Variants in RBFOX1 observed in about 807,000 individuals in gnomAD.
RBFOX1 encodes the protein RNA binding protein fox-1 homolog 1.
RBFOX1 carries 8 observed loss-of-function variants against 57.7 expected under a neutral mutation model. The observed-to-expected ratio is 0.14, with a 90% CI of 0.08 to 0.25. RBFOX1 has a LOEUF of 0.25. Among genes scored for constraint, RBFOX1 ranks in the 10% least tolerant of loss-of-function variants. RBFOX1 has a pLI of 1.00. For missense variants in RBFOX1, 611 were observed against 548.5 expected, an observed-to-expected ratio of 1.11 and a Z score of -1.14; for synonymous variants, 326 against 222.4, an observed-to-expected ratio of 1.47 and a Z score of -4.15.
intron 1 of RBFOX1, among the ~76,000 whole-genome samples, chr16:5,251,251 C>T (rs1283826524): frequency 1.3e-5 from 2 of 152,236 alleles, no homozygotes; most frequent in Non-Finnish European, 2.9e-5. Flanking sequence ...CCTGCCTTTG[C>T]CTTCTTCAGT....
chr16:6,212,151 C>T (rs763495894), intron 1 of RBFOX1, among the ~76,000 whole-genome samples: 50 of 152,172 alleles, frequency 3.3e-4, no homozygotes, highest in Non-Finnish European at 5.3e-4. Context: ...AGCCACTGTC[C>T]TCGGCCAATA....
intron 1 of RBFOX1, among the ~76,000 whole-genome samples, chr16:6,255,328 C>G (rs1218253615): frequency 6.6e-6 from 1 of 152,048 alleles, no homozygotes; most frequent in Non-Finnish European, 1.5e-5. Flanking sequence ...CACTTGGGGC[C>G]CTTTTCTCCA....
intron 3 of RBFOX1, among the ~76,000 whole-genome samples, chr16:5,711,070 G>C (rs1567432564): frequency 6.6e-6 from 1 of 152,166 alleles, no homozygotes; most frequent in Admixed American, 6.5e-5. Context: ...GAAGGGGAGA[G>C]AGTGAATAAT....
intron 14 of RBFOX1, among the ~76,000 whole-genome samples, chr16:7,707,717 T>C (rs377114265): frequency 6.6e-5 from 10 of 152,284 alleles, no homozygotes; most frequent in African/African-American, 1.9e-4. Context: ...CGAAAACTTA[T>C]GTAGGCATTA....
intron 4 of RBFOX1, among the ~76,000 whole-genome samples, chr16:7,246,032 C>G (rs560812369): frequency 4.6e-5 from 7 of 152,138 alleles, no homozygotes; most frequent in Admixed American, 3.3e-4. Flanking sequence ...AAATTATCAC[C>G]CACCTTAGAT....
intron 1 of RBFOX1, among the ~76,000 whole-genome samples, chr16:6,249,750 T>C (rs1410588855): frequency 6.7e-6 from 1 of 149,706 alleles, no homozygotes; most frequent in Non-Finnish European, 1.5e-5. Flanking sequence ...AAGAGTGTCC[T>C]GATCAGCTTC....
intron 4 of RBFOX1, among the ~76,000 whole-genome samples, chr16:7,437,752 T>A (rs111548197): frequency 6.6e-6 from 1 of 152,148 alleles, no homozygotes; most frequent in African/African-American, 2.4e-5. Flanking sequence ...GATTTACTTA[T>A]ACTGCTCGAC....
At chr16:7,089,889 T>C (rs916612982) in intron 4 of RBFOX1, among the ~76,000 whole-genome samples, 1 of 139,880 alleles carries the variant, frequency 7.1e-6, no homozygotes, top group African/African-American at 2.7e-5. Flanking sequence ...TTTACATCTT[T>C]AATTCAGATT....
intron 6 of RBFOX1, among the ~76,000 whole-genome samples, chr16:7,581,525 C>G (rs547952642): frequency 3.6e-4 from 55 of 152,238 alleles, no homozygotes; most frequent in Admixed American, 3.1e-3. Context: ...TTCATGGTGT[C>G]ACTCAGTTAT....
rs111249124 is a variant in RBFOX1, at chr16:6,689,102, G to C, written c.-16+34452G>C. ...GAACAGTGCTGCAATAAACATACAT[G>C]TGCATATGTCTTTATAGCAGAATGA... is the stretch of plus-strand genomic sequence containing the variant. On this transcript the variant is annotated intron_variant, in intron 3 of 15. Coordinates refer to ENST00000550418, the MANE Select transcript of RBFOX1 (RefSeq NM_018723.4). 6.4e-3 allele frequency among the ~76,000 whole-genome samples: 975 copies of C among 152,288 alleles called. 11 individuals are homozygous for C. The highest frequency in any genetic ancestry group is 0.022 in the African/African-American group (919 of 41,556).
intron 4 of RBFOX1, among the ~76,000 whole-genome samples, chr16:7,458,798 A>T (rs1183862621): frequency 2.0e-5 from 3 of 151,596 alleles, no homozygotes; most frequent in Non-Finnish European, 4.4e-5. Context: ...ACTCCCACAC[A>T]CCCTGTGTTC....
intron 1 of RBFOX1, among the ~76,000 whole-genome samples, chr16:6,197,133 A>C (rs955502380): frequency 3.3e-5 from 5 of 152,166 alleles, no homozygotes; most frequent in African/African-American, 1.2e-4. Flanking sequence ...AAATAGTGTC[A>C]GTTAAATGCA....
At chr16:6,768,436 G>C (rs1481568347) in intron 3 of RBFOX1, among the ~76,000 whole-genome samples, 1 of 151,728 alleles carries the variant, frequency 6.6e-6, no homozygotes, top group African/African-American at 2.4e-5. Context: ...TAAGAGTGCA[G>C]AGAGAGAGGG....
chr16:7,288,674 C>G (rs754875542), intron 4 of RBFOX1, among the ~76,000 whole-genome samples: 2 of 152,176 alleles, frequency 1.3e-5, no homozygotes, highest in Non-Finnish European at 2.9e-5. Context: ...AATGCCATCT[C>G]TACTAAAAAT....
chr16:6,459,087 G>A (rs2094845141), intron 2 of RBFOX1, among the ~76,000 whole-genome samples: 1 of 152,232 alleles, frequency 6.6e-6, no homozygotes, highest in Non-Finnish European at 1.5e-5. Flanking sequence ...TGTAATCCCA[G>A]CACTTTGGGA....
intron 4 of RBFOX1, among the ~76,000 whole-genome samples, chr16:7,080,586 G>A (rs577941486): frequency 3.3e-5 from 5 of 152,230 alleles, no homozygotes; most frequent in African/African-American, 7.2e-5. Context: ...TCAGCAATTT[G>A]CTCTCTGGGT....
chr16:7,185,416 C>T (rs371693158), intron 4 of RBFOX1, among the ~76,000 whole-genome samples: 118 of 152,236 alleles, frequency 7.8e-4, no homozygotes, highest in African/African-American at 2.8e-3. Context: ...ACATGGAGGG[C>T]CATTGGACGC....
intron 3 of RBFOX1, among the ~76,000 whole-genome samples, chr16:6,753,132 G>C (rs912484008): frequency 3.9e-5 from 6 of 152,130 alleles, no homozygotes; most frequent in African/African-American, 1.4e-4. Flanking sequence ...GAAACTTGTA[G>C]GGGGTATTTT....
intron 3 of RBFOX1, among the ~76,000 whole-genome samples, chr16:6,977,305 T>C (rs1043149181): frequency 2.0e-5 from 3 of 151,882 alleles, no homozygotes; most frequent in Admixed American, 6.6e-5. Context: ...TTCTTAATTA[T>C]TGTGTTTTGC....
Sources: gnomAD v4.1 joint callset for allele counts (sites outside exome capture counted in the v4.1 genomes callset) on GRCh38, gnomAD v4.1.1 for gene constraint, MANE v1.5 for transcripts, NCBI Gene and HGNC (gene_info 2026-07-23, HGNC 2026-07-21) for gene names.